Variants in ASTN2 observed in about 807,000 individuals in gnomAD.
ASTN2 encodes astrotactin 2.
ASTN2 carries 54 observed loss-of-function variants against 139.8 expected under a neutral mutation model. That is an observed-to-expected ratio of 0.39 (90% CI 0.31 to 0.48). The LOEUF (loss-of-function observed/expected upper bound fraction) is 0.48. Among genes scored for constraint, ASTN2 ranks in the 20% least tolerant of loss-of-function variants. ASTN2 has a pLI of 0.95. For synonymous variants in ASTN2, 756 were observed against 719.5 expected (o/e 1.05, Z -0.81); for missense variants, 1,565 against 1,725.1 (o/e 0.91, Z 1.64).
rs1402069439 is a variant in ASTN2 at position 116,931,213 on chromosome 9, G to A, written c.1889+43995C>T. Among the ~76,000 whole-genome samples the A allele has an allele frequency of 2.6e-5, 4 of 152,116 alleles. No homozygotes were observed. The South Asian group carries it at 6.2e-4, about 24-fold the overall frequency. ...GCTTCCTTCTCCTTGAGCCTTTATC[G>A]CTAAGCCTCATCATTCAAACTGATC... On this transcript the variant is annotated intron_variant, in intron 10 of 22. Transcript: ENST00000313400.
chr9:117,395,745 GT>G (rs5900289), intron 1 of ASTN2, among the ~76,000 whole-genome samples: 24,733 of 152,236 alleles, frequency 0.16, 2,365 homozygotes, highest in East Asian at 0.41. Context: ...AATACGCAGA[GT>G]TACACAGAAC....
intron 20 of ASTN2, among the ~76,000 whole-genome samples, chr9:116,463,879 G>C (rs2118978015): frequency 6.6e-6 from 1 of 151,088 alleles, no homozygotes; most frequent in Non-Finnish European, 1.5e-5. Context: ...TGGGATCACA[G>C]GTGCATGCCA....
At chr9:117,272,082 G>A (rs2133126472) in intron 2 of ASTN2, among the ~76,000 whole-genome samples, 1 of 152,318 alleles carries the variant, frequency 6.6e-6, no homozygotes, top group Admixed American at 6.5e-5. Flanking sequence ...TGAGGGCCCT[G>A]CCCCTGCAGC....
chr9:117,148,915 C>G (rs1830263771), intron 3 of ASTN2, among the ~76,000 whole-genome samples: 1 of 152,230 alleles, frequency 6.6e-6, no homozygotes, highest in Non-Finnish European at 1.5e-5. Flanking sequence ...ATCAACTCTT[C>G]CTTGGGTCTT....
intron 22 of ASTN2, among the ~76,000 whole-genome samples, chr9:116,435,653 C>T (rs964432987): frequency 2.0e-5 from 3 of 152,192 alleles, no homozygotes. Flanking sequence ...CTCTCCCTTC[C>T]ACCTGGAGGA....
At chr9:117,290,810 T>C (rs1464025160) in intron 2 of ASTN2, among the ~76,000 whole-genome samples, 1 of 152,220 alleles carries the variant, frequency 6.6e-6, no homozygotes, top group African/African-American at 2.4e-5. Flanking sequence ...AAGAGAATTA[T>C]GGAGGGGCTT....
At chr9:116,436,397 C>T (rs1365012103) in intron 22 of ASTN2, among the ~76,000 whole-genome samples, 2 of 152,178 alleles carry the variant, frequency 1.3e-5, no homozygotes, top group Non-Finnish European at 2.9e-5. Flanking sequence ...TCTACCAGAA[C>T]AAATCTTTAG....
intron 1 of ASTN2, among the ~76,000 whole-genome samples, chr9:117,332,587 A>G (rs1313743381): frequency 1.3e-5 from 2 of 152,078 alleles, no homozygotes; most frequent in African/African-American, 4.8e-5. Flanking sequence ...AACAAACAAC[A>G]ACAACAAAAA....
chr9:116,737,412 A>T (rs185294866), intron 13 of ASTN2, among the ~76,000 whole-genome samples: 1 of 152,128 alleles, frequency 6.6e-6, no homozygotes, highest in Non-Finnish European at 1.5e-5. Flanking sequence ...TGCTGGCTTA[A>T]ACTCGGGTGC....
chr9:117,331,452 C>T (rs573202029), intron 1 of ASTN2, among the ~76,000 whole-genome samples: 1 of 152,182 alleles, frequency 6.6e-6, no homozygotes, highest in Admixed American at 6.5e-5. Context: ...AATTGAGCCT[C>T]GGTGTTCTCA....
intron 2 of ASTN2, among the ~76,000 whole-genome samples, chr9:117,281,877 G>C (rs946881213): frequency 6.6e-6 from 1 of 152,118 alleles, no homozygotes; most frequent in African/African-American, 2.4e-5. Context: ...GCTGGATGCT[G>C]TCTGGGCTTG....
chr9:116,880,941 A>G (rs915119540), intron 10 of ASTN2, among the ~76,000 whole-genome samples: 11 of 152,230 alleles, frequency 7.2e-5, no homozygotes, highest in African/African-American at 2.7e-4. Flanking sequence ...TTATAGACAC[A>G]TAAAGACGTC....
intron 10 of ASTN2, among the ~76,000 whole-genome samples, chr9:116,899,764 C>T (rs942179188): frequency 2.6e-5 from 4 of 152,192 alleles, no homozygotes; most frequent in Non-Finnish European, 5.9e-5. Flanking sequence ...AAAGTTATGG[C>T]TCAGGAGTCA....
At chr9:117,365,154 AAAAC>A (rs1337258278) in intron 1 of ASTN2, among the ~76,000 whole-genome samples, 2 of 151,804 alleles carry the variant, frequency 1.3e-5, no homozygotes, top group East Asian at 1.9e-4. Flanking sequence ...GTCTCAGACA[AAAAC>A]AAACAAACAA....
chr9:116,763,716 AACCCCAG>A (rs1829735203), intron 13 of ASTN2, among the ~76,000 whole-genome samples: 1 of 152,196 alleles, frequency 6.6e-6, no homozygotes, highest in African/African-American at 2.4e-5. Flanking sequence ...GGGGATGCTA[AACCCCAG>A]CTGTCAGGGT....
At chr9:116,786,316 G>T (rs942697191) in intron 13 of ASTN2, among the ~76,000 whole-genome samples, 2 of 152,092 alleles carry the variant, frequency 1.3e-5, no homozygotes, top group African/African-American at 4.8e-5. Flanking sequence ...ACCTGACAGG[G>T]TGTATATTTA....
chr9:117,085,588 G>A (rs1828540460), intron 5 of ASTN2, among the ~76,000 whole-genome samples: 1 of 152,108 alleles, frequency 6.6e-6, no homozygotes, highest in South Asian at 2.1e-4. Context: ...TGGTGCCCTG[G>A]GACGGCTGGT....
chr9:117,007,533 A>G (rs1331242891), intron 7 of ASTN2, among the ~76,000 whole-genome samples: 1 of 152,218 alleles, frequency 6.6e-6, no homozygotes. Flanking sequence ...TCCACAGTGC[A>G]TGTTTAGTGT....
chr9:116,791,007 G>GAA (rs1368876523), intron 13 of ASTN2, among the ~76,000 whole-genome samples: 2 of 123,912 alleles, frequency 1.6e-5, no homozygotes, highest in Admixed American at 8.5e-5. Flanking sequence ...AAGAAAGAAA[G>GAA]AAAGAAAGAA....
Sources: gnomAD v4.1 joint callset for allele counts (sites outside exome capture counted in the v4.1 genomes callset) on GRCh38, gnomAD v4.1.1 for gene constraint, MANE v1.5 for transcripts, NCBI Gene and HGNC (gene_info 2026-07-23, HGNC 2026-07-21) for gene names.